The following KIAA0319L variants were observed in gnomAD, a reference collection of about 807,000 sequenced individuals.
KIAA0319L encodes the protein dyslexia-associated protein KIAA0319-like protein.
Under a neutral mutation model 120.1 loss-of-function variants are expected in KIAA0319L, and 55 were observed. The ratio of observed to expected loss-of-function variants is 0.46; its 90% CI spans 0.37 to 0.57. The LOEUF (loss-of-function observed/expected upper bound fraction) is 0.57. Ranked by LOEUF, KIAA0319L falls within the 20% of genes least tolerant of loss-of-function variation. KIAA0319L has a pLI of 0.00. For synonymous variants in KIAA0319L, 398 were observed against 471.9 expected, an observed-to-expected ratio of 0.84 and a Z score of 2.03; for missense variants, 1,049 against 1,255.3, an observed-to-expected ratio of 0.84 and a Z score of 2.48.
chr1:35,497,006 T>G lies in KIAA0319L; in HGVS notation c.666+9606A>C, dbSNP rs1042560906. 2.2e-5 allele frequency among the ~76,000 whole-genome samples: 3 copies of G among 133,980 alleles called. No individual in the cohort carries two copies. The South Asian group carries it at 7.2e-4, about 32-fold the overall frequency. The allele number at this position is 133,980 out of a possible 152,430, so 87.9% of individuals were successfully genotyped here. On this transcript the variant is annotated intron_variant, in intron 3 of 20. Transcript: ENST00000325722. ...GCATATGTTATGACATGAATGGACA[T>G]AAAAACATTACGCTAAGTAGAAGAA...
chr1:35,438,294 C>T (rs1213020293), intron 20 of KIAA0319L, among the ~76,000 whole-genome samples: 1 of 152,122 alleles, frequency 6.6e-6, no homozygotes, highest in East Asian at 1.9e-4. Context: ...CTCAGGGATA[C>T]TACCACCACC....
At chr1:35,554,201 C>G (rs1207067085) in intron 2 of KIAA0319L, 149 bp downstream of exon 2, 2 of 507,194 alleles carry the variant, frequency 3.9e-6, no homozygotes, top group Non-Finnish European at 6.6e-6. Flanking sequence ...ATAAACCCAA[C>G]AGACCTCAGT....
At chr1:35,520,625 T>A (rs1645873909) in intron 2 of KIAA0319L, among the ~76,000 whole-genome samples, 1 of 152,184 alleles carries the variant, frequency 6.6e-6, no homozygotes. Context: ...GGTCTTGAAC[T>A]TCTGCCCTTT....
intron 1 of KIAA0319L, 26 bp from the exon 2 acceptor site, chr1:35,554,545 T>G: frequency 7.3e-7 from 1 of 1,372,454 alleles, no homozygotes; most frequent in Non-Finnish European, 9.9e-7. Context: ...GAGAAGAAAT[T>G]ACATGCCGAG....
chr1:35,494,967 GA>G (rs1423104171), intron 3 of KIAA0319L, among the ~76,000 whole-genome samples: 2 of 151,902 alleles, frequency 1.3e-5, no homozygotes, highest in Non-Finnish European at 2.9e-5. Context: ...AGAAAGGATG[GA>G]AAAAATACGG....
intron 4 of KIAA0319L, among the ~76,000 whole-genome samples, chr1:35,477,544 G>A (rs1031040843): frequency 3.9e-5 from 6 of 151,970 alleles, no homozygotes; most frequent in Admixed American, 6.6e-5. Flanking sequence ...GTGGGCGCCT[G>A]TAGTCCCAGC....
At chr1:35,526,414 C>T (rs1293414908) in intron 2 of KIAA0319L, among the ~76,000 whole-genome samples, 2 of 140,526 alleles carry the variant, frequency 1.4e-5, no homozygotes, top group Non-Finnish European at 3.0e-5. Flanking sequence ...TATATATACA[C>T]ACATACATAT....
chr1:35,539,995 A>G (rs1558643933), intron 2 of KIAA0319L, among the ~76,000 whole-genome samples: 1 of 152,256 alleles, frequency 6.6e-6, no homozygotes, highest in African/African-American at 2.4e-5. Flanking sequence ...ATAAGCATAC[A>G]TTTATTTCAA....
At position 35,507,134 on chromosome 1, in the gene KIAA0319L, A is replaced by G; in HGVS notation, c.144T>C (p.Asp48=). 3 of 1,517,170 alleles carry G rather than the reference A, an allele frequency of 2.0e-6. No individual in the cohort carries two copies. Among genetic ancestry groups the G allele is most frequent in the Non-Finnish European group, 2.6e-6 (3 of 1,134,398 alleles). 94.0% of individuals were successfully genotyped at this position (1,517,170 alleles called of 1,614,324 possible). A position where few individuals can be genotyped will look rare whatever the true frequency, so the allele number is the denominator to read the frequency against. Residue 48 remains aspartate, a splice_region_variant and synonymous_variant, in exon 3 of 21, where the codon GAT becomes GAC. Transcript: ENST00000325722. The part of the protein sequence containing the change: ...FCFSVLWLST[D]ASESRCQQGK... Reference sequence around the variant, plus strand: ...CCTGCTGGCACCTGCTCTCACTGGCATCTAAAAACAAAGAATGAAAACATT... The same window carrying G: ...CCTGCTGGCACCTGCTCTCACTGGCGTCTAAAAACAAAGAATGAAAACATT...
At chr1:35,523,704 A>T (rs1378996217) in intron 2 of KIAA0319L, among the ~76,000 whole-genome samples, 1 of 152,218 alleles carries the variant, frequency 6.6e-6, no homozygotes, top group Non-Finnish European at 1.5e-5. Context: ...GAAGAGTGTT[A>T]AAGACATTAA....
intron 9 of KIAA0319L, among the ~76,000 whole-genome samples, chr1:35,459,408 C>T (rs1244057445): frequency 6.6e-6 from 1 of 151,910 alleles, no homozygotes; most frequent in Non-Finnish European, 1.5e-5. Flanking sequence ...AGATCAAGAC[C>T]ATCCTGGCTA....
intron 17 of KIAA0319L, among the ~76,000 whole-genome samples, chr1:35,443,582 G>A (rs567340309): frequency 2.7e-4 from 41 of 152,222 alleles, no homozygotes; most frequent in Admixed American, 9.8e-4. Context: ...TGAGGCAGGA[G>A]AATCACTTGA....
Position 35,453,658 on chromosome 1 carries a change from G to A in KIAA0319L, c.1812C>T (p.Gly604=), listed in dbSNP as rs1332323505. Residue 604 remains glycine (G), a synonymous_variant, in exon 12 of 21, where the codon GGC becomes GGT. Coordinates refer to ENST00000325722, the MANE Select transcript of KIAA0319L (RefSeq NM_024874.5). The surrounding 1 kb of genome is among the most constrained non-coding windows in gnomAD (Gnocchi z 4.1). ...CAGGAAGGGTCAGCTCTTTATCTGG[G>A]CCTGCATCTGCCTGAGGAGGCTTAT... is the stretch of plus-strand genomic sequence containing the variant. The part of the protein sequence containing the change: ...ENNKPPQADA[G]PDKELTLPVD... 1 of 1,613,826 alleles carries A rather than the reference G, an allele frequency of 6.2e-7. No homozygotes were observed. The highest frequency in any genetic ancestry group is 8.5e-7 in the Non-Finnish European group (1 of 1,179,808).
At chr1:35,495,788 G>A (rs1455394272) in intron 3 of KIAA0319L, among the ~76,000 whole-genome samples, 1 of 139,914 alleles carries the variant, frequency 7.1e-6, no homozygotes, top group Admixed American at 8.0e-5. Flanking sequence ...GAATAACTGA[G>A]ACTACAAGTG....
intron 2 of KIAA0319L, among the ~76,000 whole-genome samples, chr1:35,526,372 C>CAT (rs1291162092): frequency 3.7e-4 from 48 of 128,228 alleles, no homozygotes; most frequent in African/African-American, 1.0e-3. Flanking sequence ...TATATACATA[C>CAT]ATATATATAT....
intron 1 of KIAA0319L, among the ~76,000 whole-genome samples, chr1:35,555,312 T>C (rs1002593617): frequency 1.3e-5 from 2 of 152,228 alleles, no homozygotes; most frequent in Non-Finnish European, 2.9e-5. Context: ...TGTCCAACTA[T>C]GTACCTGTCA....
At chr1:35,552,031 A>G (rs1647239169) in intron 2 of KIAA0319L, among the ~76,000 whole-genome samples, 1 of 151,540 alleles carries the variant, frequency 6.6e-6, no homozygotes, top group African/African-American at 2.4e-5. Context: ...GCTGCTTACC[A>G]TGGTACTGGG....
intron 9 of KIAA0319L, among the ~76,000 whole-genome samples, chr1:35,458,409 C>T (rs1464655260): frequency 1.3e-5 from 2 of 152,124 alleles, no homozygotes; most frequent in East Asian, 1.9e-4. Flanking sequence ...AGGAAAAAGG[C>T]TACTGCCATG....
chr1:35,450,227 T>A, intron 14 of KIAA0319L, 131 bp downstream of exon 14: 1 of 1,108,000 alleles, frequency 9.0e-7, no homozygotes, highest in East Asian at 2.4e-5. Flanking sequence ...AGCAAGTCAC[T>A]TCACCTCCCT....
Sources: gnomAD v4.1 joint callset for allele counts (sites outside exome capture counted in the v4.1 genomes callset) on GRCh38, gnomAD v4.1.1 for gene constraint, Gnocchi (gnomAD v3.1) non-coding constraint, MANE v1.5 for transcripts, NCBI Gene and HGNC (gene_info 2026-07-23, HGNC 2026-07-21) for gene names.